Variants in APCDD1L observed in about 807,000 individuals in gnomAD.
The protein encoded by APCDD1L is protein APCDD1-like.
In APCDD1L, 21 loss-of-function variants were observed where a neutral mutation model predicts 24.2. That is an observed-to-expected ratio of 0.87 (90% CI 0.61 to 1.25). APCDD1L has a LOEUF of 1.25. Among genes scored for constraint, APCDD1L ranks in the 50% most tolerant of loss-of-function variants. The probability of loss-of-function intolerance (pLI) is 0.00; values close to 1 mark genes in which losing one functional copy is unlikely to be tolerated. For missense variants in APCDD1L, 704 were observed against 711.7 expected (o/e 0.99, Z 0.12); for synonymous variants, 321 against 323.6 (o/e 0.99, Z 0.09).
chr20:58,500,010 T>C (rs926980676), intron 1 of APCDD1L, among the ~76,000 whole-genome samples: 1 of 152,154 alleles, frequency 6.6e-6, no homozygotes, highest in Non-Finnish European at 1.5e-5. Flanking sequence ...AAAAAACACA[T>C]GTAAATATTT....
chr20:58,468,847 C>T (rs1989764348), intron 2 of APCDD1L, among the ~76,000 whole-genome samples: 1 of 152,144 alleles, frequency 6.6e-6, no homozygotes, highest in Non-Finnish European at 1.5e-5. Context: ...GGATTACAGG[C>T]GTGATCCCAG....
rs892460498 is a variant in APCDD1L, at chr20:58,514,998, C to G, written c.-291G>C. The G allele has an allele frequency of 6.3e-6, 2 of 319,278 alleles. No homozygotes were observed. Among genetic ancestry groups the G allele is most frequent in the Non-Finnish European group, 1.1e-5 (2 of 176,046 alleles). 19.8% of individuals were successfully genotyped at this position (319,278 alleles called of 1,614,324 possible). On this transcript the variant is annotated 5_prime_UTR_variant, in exon 1 of 4. Transcript: ENST00000371149. ...GCGCGCACAGCCCCCTGGTGCAGCT[C>G]CTGCCATTCAGACCCCCAGCCCTCC...
intron 3 of APCDD1L, among the ~76,000 whole-genome samples, chr20:58,462,843 C>CAAAAAAAAA (rs59846654): frequency 8.8e-6 from 1 of 114,238 alleles, no homozygotes; most frequent in Non-Finnish European, 1.9e-5. Flanking sequence ...GACACCATCT[C>CAAAAAAAAA]AAAAAAAAAA....
intron 1 of APCDD1L, among the ~76,000 whole-genome samples, chr20:58,482,077 C>T (rs1266164006): frequency 6.6e-6 from 1 of 152,120 alleles, no homozygotes; most frequent in Non-Finnish European, 1.5e-5. Context: ...GGGTCAGCTG[C>T]GACGGGAAGC....
At chr20:58,501,388 G>C (rs1990434707) in intron 1 of APCDD1L, among the ~76,000 whole-genome samples, 1 of 152,128 alleles carries the variant, frequency 6.6e-6, no homozygotes, top group Non-Finnish European at 1.5e-5. Context: ...GTCCCTGTAA[G>C]AAGAGGAAAT....
intron 1 of APCDD1L, among the ~76,000 whole-genome samples, chr20:58,474,741 G>A (rs530952836): frequency 6.6e-6 from 1 of 152,064 alleles, no homozygotes; most frequent in African/African-American, 2.4e-5. Context: ...AAAATAACAG[G>A]CACCGTTTTA....
chr20:58,491,210 T>A (rs572016409), intron 1 of APCDD1L, among the ~76,000 whole-genome samples: 40 of 152,330 alleles, frequency 2.6e-4, no homozygotes, highest in African/African-American at 9.6e-4. Context: ...AAGACAAACA[T>A]GCCTCCATCA....
At position 58,482,443 on chromosome 20, in the gene APCDD1L, C is replaced by T. The variant is rs1173271637; in HGVS notation, c.50-11696G>A. Among the ~76,000 whole-genome samples, 5 of 152,196 alleles carry T rather than the reference C, an allele frequency of 3.3e-5. No homozygotes were observed. In the East Asian group the frequency reaches 5.8e-4, roughly 18 times the overall value. ...TGGCTTAAGTGTTGCAGACAAGGTACAGGAAAATGTGTTGGCTTCCTAAAT... is the reference window on the plus strand; with the variant it reads ...TGGCTTAAGTGTTGCAGACAAGGTATAGGAAAATGTGTTGGCTTCCTAAAT... On this transcript the variant is annotated intron_variant, in intron 1 of 3. Coordinates refer to ENST00000371149, the MANE Select transcript of APCDD1L (RefSeq NM_153360.3).
At chr20:58,514,522 C>A (rs1233876575) in intron 1 of APCDD1L, 137 bp downstream of exon 1, 2 of 900,924 alleles carry the variant, frequency 2.2e-6, no homozygotes, top group East Asian at 3.3e-5. Flanking sequence ...TGGAGAAAGG[C>A]GCGCAGGGCG....
intron 1 of APCDD1L, among the ~76,000 whole-genome samples, chr20:58,493,766 C>T (rs772413358): frequency 2.0e-5 from 3 of 152,090 alleles, no homozygotes; most frequent in Admixed American, 6.6e-5. Flanking sequence ...ACATGGGCAA[C>T]GTTGTGCTTT....
chr20:58,484,206 T>A (rs1990077358), intron 1 of APCDD1L, among the ~76,000 whole-genome samples: 3 of 152,216 alleles, frequency 2.0e-5, no homozygotes, highest in Admixed American at 2.0e-4. Context: ...TAAGTTCTTT[T>A]ATGCCATACA....
intron 1 of APCDD1L, among the ~76,000 whole-genome samples, chr20:58,473,241 T>C (rs958343473): frequency 2.0e-5 from 3 of 152,160 alleles, no homozygotes; most frequent in African/African-American, 7.2e-5. Context: ...CAAGGCTTTT[T>C]TTTTCCCCCT....
intron 3 of APCDD1L, among the ~76,000 whole-genome samples, chr20:58,462,353 AGAC>A (rs1224769804): frequency 6.6e-6 from 1 of 152,190 alleles, no homozygotes; most frequent in Non-Finnish European, 1.5e-5. Flanking sequence ...GAAGTGGCAG[AGAC>A]CAGCTGAAAT....
At chr20:58,485,712 A>C (rs1990107494) in intron 1 of APCDD1L, among the ~76,000 whole-genome samples, 2 of 152,214 alleles carry the variant, frequency 1.3e-5, no homozygotes, top group Non-Finnish European at 2.9e-5. Flanking sequence ...AAAAATGCAA[A>C]TCAGCATTCT....
chr20:58,485,427 A>G (rs1460527689), intron 1 of APCDD1L, among the ~76,000 whole-genome samples: 1 of 152,238 alleles, frequency 6.6e-6, no homozygotes, highest in Non-Finnish European at 1.5e-5. Context: ...TTACAAGTCT[A>G]ACATATGAAT....
chr20:58,464,055 G>A (rs1223346566), intron 3 of APCDD1L, among the ~76,000 whole-genome samples: 1 of 152,070 alleles, frequency 6.6e-6, no homozygotes, highest in African/African-American at 2.4e-5. Context: ...GCAAATGGCT[G>A]CAAAAATGTT....
intron 1 of APCDD1L, among the ~76,000 whole-genome samples, chr20:58,509,124 T>C (rs929064168): frequency 2.0e-5 from 3 of 151,998 alleles, no homozygotes; most frequent in Non-Finnish European, 2.9e-5. Context: ...CAGAAGAATG[T>C]TCCAGGCAGA....
Position 58,461,046 on chromosome 20 carries a change from T to A in APCDD1L, c.1250A>T (p.Glu417Val). 6.2e-7 allele frequency: 1 copy of A among 1,614,048 alleles called. No individual in the cohort carries two copies. Among genetic ancestry groups the A allele is most frequent in the Non-Finnish European group, 8.5e-7 (1 of 1,179,976 alleles). The change falls in exon 4 of 4, where the codon GAA becomes GTA. Residue 417 changes from glutamate (E) to valine (V), a missense_variant. By Grantham distance (121) the Glu-to-Val change is moderately radical. Transcript: ENST00000371149. This position sits in a 1 kb window ranked among gnomAD's most constrained non-coding sequence, Gnocchi z 6.0. ...PHVEYELFKMEQDPLGQSLLF... is the reference protein window; with the variant it reads ...PHVEYELFKMVQDPLGQSLLF... ...CAGGCTTTGCCCGAGGGGGTCTTGT[T>A]CCATCTTGAAAAGCTCGTACTCCAC... is the stretch of plus-strand genomic sequence containing the variant.
In APCDD1L at chr20:58,470,687, C is replaced by T; in HGVS notation, c.110G>A (p.Cys37Tyr). Residue 37 changes from cysteine to tyrosine, a missense_variant, in exon 2 of 4, where the codon TGC becomes TAC. Cys to Tyr is a radical substitution (Grantham distance 194). Transcript: ENST00000371149. Reference protein sequence around the residue: ...GGSCLRWEPHCQQPLPDRVPS... With the variant: ...GGSCLRWEPHYQQPLPDRVPS... ...CACTCTATCTGGCAAGGGCTGCTGGCAGTGGGGTTCCCAGCGCAGGCAGCT... is the reference window on the plus strand; with the variant it reads ...CACTCTATCTGGCAAGGGCTGCTGGTAGTGGGGTTCCCAGCGCAGGCAGCT... 1 of 1,556,308 alleles carries T rather than the reference C, an allele frequency of 6.4e-7. No homozygotes were observed. Among genetic ancestry groups the T allele is most frequent in the Admixed American group, 1.9e-5 (1 of 51,486 alleles).
Sources: allele counts gnomAD v4.1 joint callset (sites outside exome capture counted in the v4.1 genomes callset), GRCh38; gene constraint gnomAD v4.1.1; non-coding constraint Gnocchi (gnomAD v3.1); transcripts MANE v1.5; gene names NCBI Gene and HGNC (gene_info 2026-07-23, HGNC 2026-07-21).